Variants in LAMA2 observed in about 807,000 individuals in gnomAD.
LAMA2 encodes the protein laminin subunit alpha 2.
LAMA2 carries 269 observed loss-of-function variants against 364.8 expected under a neutral mutation model. That is an observed-to-expected ratio of 0.74 (90% CI 0.67 to 0.82). The LOEUF is 0.82. Among genes scored for constraint, LAMA2 ranks in the 40% least tolerant of loss-of-function variants. The pLI is 0.00. For missense variants in LAMA2, 3,807 were observed against 3,873.2 expected, an observed-to-expected ratio of 0.98 and a Z score of 0.45; for synonymous variants, 1,379 against 1,370.6, an observed-to-expected ratio of 1.01 and a Z score of -0.14.
intron 12 of LAMA2, among the ~76,000 whole-genome samples, chr6:129,201,684 A>C: frequency 6.6e-6 from 1 of 152,144 alleles, no homozygotes; most frequent in East Asian, 1.9e-4. Flanking sequence ...AATTACAACA[A>C]AATCCAGCAC....
At chr6:129,201,301 C>T (rs1782266734) in intron 12 of LAMA2, among the ~76,000 whole-genome samples, 1 of 152,090 alleles carries the variant, frequency 6.6e-6, no homozygotes, top group Non-Finnish European at 1.5e-5. Flanking sequence ...GCCAAGGCAG[C>T]TAGCATTTGT....
In LAMA2 at chr6:129,206,112, GGAAGGAAGGAAGGAAGGA is replaced by G. The variant is rs1782648924; in HGVS notation, c.1782+13260_1782+13277del. On this transcript the variant is annotated intron_variant, in intron 12 of 64. Transcript: ENST00000421865. The stretch of plus-strand genomic sequence containing the variant: ...AGGAAGGGAGGGAGGGAGGGAGGAA[GGAAGGAAGGAAGGAAGGA>G]AGGAAGGAAGGAAGGAAGGAAGGAA... 6.5e-4 allele frequency among the ~76,000 whole-genome samples: 63 copies of G among 97,246 alleles called. 1 individual carries two copies. The highest frequency in any genetic ancestry group is 4.2e-3 in the South Asian group (13 of 3,068). 63.8% of individuals were successfully genotyped at this position (97,246 alleles called of 152,430 possible).
intron 29 of LAMA2, among the ~76,000 whole-genome samples, chr6:129,338,493 G>C (rs919519737): frequency 6.6e-6 from 1 of 152,110 alleles, no homozygotes; most frequent in African/African-American, 2.4e-5. Flanking sequence ...GGTTCCTTTG[G>C]ATGGTTGAAT....
At chr6:129,436,164 C>T (rs139599479) in intron 41 of LAMA2, among the ~76,000 whole-genome samples, 6 of 152,094 alleles carry the variant, frequency 3.9e-5, no homozygotes, top group East Asian at 1.9e-4. Flanking sequence ...CCAGCACAAC[C>T]GGGTATAAAA....
Position 129,190,282 on chromosome 6 carries a change from C to A in LAMA2, c.1545C>A (p.Cys515Ter), listed in dbSNP as rs774918437. 1 of 1,613,446 alleles carries A rather than the reference C, an allele frequency of 6.2e-7. No individual in the cohort carries two copies. The highest frequency in any genetic ancestry group is 2.2e-5 in the East Asian group (1 of 44,872). Residue 515 changes from cysteine (C) to a stop codon, truncating the protein, a stop_gained, in exon 11 of 65, where the codon TGC (cysteine) becomes TGA (stop). Coordinates refer to ENST00000421865, the MANE Select transcript of LAMA2 (RefSeq NM_000426.4). LOFTEE classifies it high-confidence loss of function. ...FNLQEDNWKGCDECFCSGVSN... is the reference protein window; with the variant it reads ...FNLQEDNWKG ...TGCAAGAGGATAATTGGAAAGGCTG[C>A]GATGAGTGTTTCTGTTCAGGGGTTT...
rs1223232191 is a variant in LAMA2, at chr6:129,225,313, T to A, written c.1783-24799T>A. On this transcript the variant is annotated intron_variant, in intron 12 of 64. Coordinates refer to ENST00000421865, the MANE Select transcript of LAMA2 (RefSeq NM_000426.4). ...CTGGATTCACTGATTTGTTGAAGGG[T>A]TTTTTGTGACTCTATCTCCTTCAGT... 2.0e-5 allele frequency among the ~76,000 whole-genome samples: 3 copies of A among 152,286 alleles called. 1 individual carries two copies. Among genetic ancestry groups the A allele is most frequent in the Admixed American group, 1.3e-4 (2 of 15,290 alleles).
At chr6:129,223,645 A>G (rs1170967034) in intron 12 of LAMA2, among the ~76,000 whole-genome samples, 6 of 152,150 alleles carry the variant, frequency 3.9e-5, no homozygotes, top group Admixed American at 1.3e-4. Context: ...CAAAGATCAG[A>G]TGGTTGTAGA....
chr6:128,892,250 A>G (rs1317786540), intron 1 of LAMA2, among the ~76,000 whole-genome samples: 1 of 152,062 alleles, frequency 6.6e-6, no homozygotes, highest in African/African-American at 2.4e-5. Context: ...TGTCGAGGTT[A>G]CACAGCAAGT....
intron 12 of LAMA2, among the ~76,000 whole-genome samples, chr6:129,230,190 A>G (rs78715630): frequency 6.6e-6 from 1 of 152,314 alleles, no homozygotes; most frequent in East Asian, 1.9e-4. Context: ...CCAAAAAAGT[A>G]GAAGGAAAAC....
chr6:129,424,534 A>C lies in LAMA2; in HGVS notation c.5866-3218A>C, dbSNP rs888571872. On this transcript the variant is annotated intron_variant, in intron 40 of 64. Transcript: ENST00000421865. ...CATATGTATCATTCAAAACTCAAAA[A>C]TAAGAGCAAATAACCCAAGAAAATT... 2.0e-5 allele frequency among the ~76,000 whole-genome samples: 3 copies of C among 152,046 alleles called. No individual in the cohort carries two copies. The South Asian group carries it at 6.2e-4, about 31-fold the overall frequency.
At chr6:128,985,776 T>G (rs1001297164) in intron 1 of LAMA2, among the ~76,000 whole-genome samples, 1 of 152,156 alleles carries the variant, frequency 6.6e-6, no homozygotes, top group African/African-American at 2.4e-5. Context: ...TCTGCAAATA[T>G]TTAAGTATGC....
chr6:129,359,821 A>AT (rs543449750), intron 32 of LAMA2, among the ~76,000 whole-genome samples: 154 of 152,000 alleles, frequency 1.0e-3, no homozygotes, highest in Admixed American at 1.4e-3. Flanking sequence ...GCAGTGTGTG[A>AT]TTTTTTTTGT....
At chr6:128,979,303 C>T (rs1456832436) in intron 1 of LAMA2, among the ~76,000 whole-genome samples, 2 of 152,118 alleles carry the variant, frequency 1.3e-5, no homozygotes, top group Non-Finnish European at 2.9e-5. Context: ...CCTTATTTCC[C>T]AATGTCTCCG....
chr6:129,439,658 T>C (rs1782002356), intron 42 of LAMA2, among the ~76,000 whole-genome samples: 1 of 152,064 alleles, frequency 6.6e-6, no homozygotes, highest in Non-Finnish European at 1.5e-5. Context: ...AAGCACACGT[T>C]ATTTTAAAGA....
intron 3 of LAMA2, among the ~76,000 whole-genome samples, chr6:129,083,109 C>A (rs1774170146): frequency 6.6e-6 from 1 of 151,836 alleles, no homozygotes; most frequent in African/African-American, 2.4e-5. Context: ...CACGTGTACA[C>A]ACAAATACAT....
chr6:129,492,225 T>C lies in LAMA2; in HGVS notation c.8076-90T>C, dbSNP rs1583876099. 10 of 1,457,092 alleles carry C rather than the reference T, an allele frequency of 6.9e-6. 2 individuals carry two copies. In the Admixed American group the frequency reaches 1.0e-4, roughly 15 times the overall value. 90.3% of individuals were successfully genotyped at this position (1,457,092 alleles called of 1,614,324 possible). ...ACTTAGACTGAGAAAAGCACACTAA[T>C]GGACTTAAAAAGGCATGCGGGGATT... On this transcript the variant is annotated intron_variant, in intron 57 of 64. Coordinates refer to ENST00000421865, the MANE Select transcript of LAMA2 (RefSeq NM_000426.4).
chr6:129,170,427 A>G (rs1335562458), intron 9 of LAMA2, among the ~76,000 whole-genome samples: 1 of 130,780 alleles, frequency 7.6e-6, no homozygotes, highest in African/African-American at 3.9e-5. Context: ...TGTACCCAGT[A>G]GTCATTCAGG....
chr6:129,286,548 T>C (rs1789143081), intron 18 of LAMA2, among the ~76,000 whole-genome samples: 1 of 60,204 alleles, frequency 1.7e-5, no homozygotes, highest in Non-Finnish European at 2.9e-5. Flanking sequence ...TATAATATAT[T>C]ATATAAATAG....
intron 3 of LAMA2, among the ~76,000 whole-genome samples, chr6:129,062,210 T>G (rs1436810942): frequency 6.6e-6 from 1 of 152,160 alleles, no homozygotes; most frequent in East Asian, 1.9e-4. Context: ...ATTCTTATTA[T>G]GTAACTCCTC....
Sources: gnomAD v4.1 joint callset for allele counts (sites outside exome capture counted in the v4.1 genomes callset) on GRCh38, gnomAD v4.1.1 for gene constraint, MANE v1.5 for transcripts, NCBI Gene and HGNC (gene_info 2026-07-23, HGNC 2026-07-21) for gene names.